SRBD1: variants seen among roughly 807,000 people sequenced by gnomAD.
SRBD1 encodes S1 RNA binding domain 1.
In SRBD1, 88 loss-of-function variants were observed where a neutral mutation model predicts 115.3. The ratio of observed to expected loss-of-function variants is 0.76; its 90% CI spans 0.64 to 0.91. The LOEUF (loss-of-function observed/expected upper bound fraction) is 0.91. SRBD1 is among the 40% of genes least tolerant of loss of function. The probability of loss-of-function intolerance (pLI) is 0.00; values close to 1 mark genes in which losing one functional copy is unlikely to be tolerated. For missense variants in SRBD1, 1,385 were observed against 1,177.4 expected (o/e 1.18, Z -2.58); for synonymous variants, 509 against 407.7 (o/e 1.25, Z -2.99).
intron 16 of SRBD1, among the ~76,000 whole-genome samples, chr2:45,427,793 T>C (rs1205257735): frequency 6.6e-6 from 1 of 152,148 alleles, no homozygotes; most frequent in African/African-American, 2.4e-5. Flanking sequence ...ATCTCTGGGA[T>C]GCAAGCCTGG....
At position 45,450,485 on chromosome 2, in the gene SRBD1, G is replaced by A. The variant is rs1249724947; in HGVS notation, c.2049+26508C>T. On this transcript the variant is annotated intron_variant, in intron 16 of 20. Coordinates refer to ENST00000263736, the MANE Select transcript of SRBD1 (RefSeq NM_018079.5). The stretch of plus-strand genomic sequence containing the variant: ...CCAAAAATTTTAGATCTTCTATACT[G>A]GAAGAGTTACAATATTTTTAAATTT... Among the ~76,000 whole-genome samples the A allele has an allele frequency of 2.0e-5, 3 of 152,144 alleles. No homozygotes were observed. In the East Asian group the frequency reaches 5.8e-4, roughly 29 times the overall value.
rs138515915 is a variant in SRBD1 at position 45,392,259 on chromosome 2, C to T, written c.2698+686G>A. ...GCAGCCTAAACCAGAATAAAAAGAG[C>T]CAAGCCCTAAACACGGAATCATCAA... On this transcript the variant is annotated intron_variant, in intron 20 of 20. Transcript: ENST00000263736. Among the ~76,000 whole-genome samples, 132 of 152,230 alleles carry T rather than the reference C, an allele frequency of 8.7e-4. 1 individual carries two copies. The highest frequency in any genetic ancestry group is 1.4e-3 in the Non-Finnish European group (96 of 68,000).
chr2:45,445,107 A>C (rs1558399633), intron 16 of SRBD1, among the ~76,000 whole-genome samples: 1 of 152,216 alleles, frequency 6.6e-6, no homozygotes, highest in African/African-American at 2.4e-5. Context: ...CAGGCATTTA[A>C]GAGTGACAAT....
At chr2:45,497,376 A>C (rs1246159335) in intron 14 of SRBD1, among the ~76,000 whole-genome samples, 1 of 152,224 alleles carries the variant, frequency 6.6e-6, no homozygotes, top group Non-Finnish European at 1.5e-5. Context: ...CAGTTACAGG[A>C]ACAGGGTAGA....
In SRBD1 at chr2:45,388,725, T is replaced by A. The variant is rs1427699954; in HGVS notation, c.*585A>T. ...TTGTTGGGGTCAATACGTATATCCT[T>A]TTGAGAAGTGTTTCGAGCCATTCAT... is the stretch of plus-strand genomic sequence containing the variant. On this transcript the variant is annotated 3_prime_UTR_variant, in exon 21 of 21. Transcript: ENST00000263736. 6.6e-6 allele frequency: 1 copy of A among 152,544 alleles called. No homozygotes were observed. The highest frequency in any genetic ancestry group is 2.4e-5 in the African/African-American group (1 of 41,464). The allele number at this position is 152,544 out of a possible 1,614,324, so 9.4% of individuals were successfully genotyped here.
intron 4 of SRBD1, 27 bp from the exon 5 acceptor site, chr2:45,585,801 T>G (rs989624627): frequency 3.9e-6 from 6 of 1,544,572 alleles, no homozygotes; most frequent in Admixed American, 4.2e-5. Context: ...CTTAGTGATT[T>G]AAAATGCTGA....
intron 1 of SRBD1, among the ~76,000 whole-genome samples, chr2:45,608,301 T>A: frequency 6.6e-6 from 1 of 152,070 alleles, no homozygotes; most frequent in Admixed American, 6.5e-5. Context: ...AATATCAATG[T>A]AAAAGGAAAG....
intron 19 of SRBD1, among the ~76,000 whole-genome samples, chr2:45,408,764 A>G (rs1041971769): frequency 6.6e-6 from 1 of 152,220 alleles, no homozygotes; most frequent in Non-Finnish European, 1.5e-5. Flanking sequence ...TATAACTAAA[A>G]TAAGTTACAG....
chr2:45,417,992 C>A (rs1667882058), intron 18 of SRBD1, among the ~76,000 whole-genome samples: 1 of 152,198 alleles, frequency 6.6e-6, no homozygotes, highest in South Asian at 2.1e-4. Flanking sequence ...GATGGCATTT[C>A]ATTCAAAACT....
chr2:45,502,172 C>A (rs1192187782), intron 14 of SRBD1, among the ~76,000 whole-genome samples: 1 of 152,218 alleles, frequency 6.6e-6, no homozygotes, highest in African/African-American at 2.4e-5. Flanking sequence ...GATACCCAGG[C>A]AAACAGGGTC....
chr2:45,523,273 T>TG (rs1331758454), intron 14 of SRBD1, among the ~76,000 whole-genome samples: 4 of 90,440 alleles, frequency 4.4e-5, no homozygotes, highest in African/African-American at 1.4e-4. Flanking sequence ...CCCAAAACGC[T>TG]GGAAAAAAAA....
intron 14 of SRBD1, among the ~76,000 whole-genome samples, chr2:45,517,244 T>C (rs1671147434): frequency 6.6e-6 from 1 of 152,252 alleles, no homozygotes; most frequent in South Asian, 2.1e-4. Context: ...GTGTTTTATC[T>C]TTTAAATGGT....
intron 16 of SRBD1, among the ~76,000 whole-genome samples, chr2:45,429,995 T>C (rs1668282448): frequency 6.6e-6 from 1 of 151,824 alleles, no homozygotes; most frequent in South Asian, 2.1e-4. Context: ...TATACACCAA[T>C]AATAGACAGA....
intron 14 of SRBD1, among the ~76,000 whole-genome samples, chr2:45,496,030 G>A (rs745885404): frequency 6.6e-6 from 1 of 152,242 alleles, no homozygotes; most frequent in East Asian, 1.9e-4. Flanking sequence ...TATAATACCA[G>A]ATTATCTGTA....
intron 16 of SRBD1, among the ~76,000 whole-genome samples, chr2:45,420,766 G>C (rs1667971770): frequency 6.6e-6 from 1 of 152,180 alleles, no homozygotes; most frequent in Admixed American, 6.5e-5. Context: ...TTTCTTAAAA[G>C]AGTAATCCTC....
At chr2:45,443,464 G>C (rs1335598226) in intron 16 of SRBD1, among the ~76,000 whole-genome samples, 1 of 152,064 alleles carries the variant, frequency 6.6e-6, no homozygotes, top group Non-Finnish European at 1.5e-5. Flanking sequence ...TGGTGGGGGG[G>C]ATTAGTGGAG....
rs373388971 is a variant in SRBD1 at position 45,519,712 on chromosome 2, T to C, written c.1874+27020A>G. ...TTTAAAAATTTTTGTTTATTTTTCC[T>C]GGAATTTTAGTTTCAAGAAATCTTT... On this transcript the variant is annotated intron_variant, in intron 14 of 20. Coordinates refer to ENST00000263736, the MANE Select transcript of SRBD1 (RefSeq NM_018079.5). Among the ~76,000 whole-genome samples the C allele has an allele frequency of 7.2e-4, 109 of 152,312 alleles. 2 individuals carry two copies. Among genetic ancestry groups the C allele is most frequent in the African/African-American group, 2.6e-3 (106 of 41,560 alleles).
At chr2:45,553,361 G>A (rs1672363980) in intron 11 of SRBD1, among the ~76,000 whole-genome samples, 1 of 152,154 alleles carries the variant, frequency 6.6e-6, no homozygotes, top group Admixed American at 6.5e-5. Context: ...CCAGCTGCAA[G>A]ACTAGTATTG....
chr2:45,503,886 T>C (rs1021016620), intron 14 of SRBD1, among the ~76,000 whole-genome samples: 2 of 152,136 alleles, frequency 1.3e-5, no homozygotes, highest in African/African-American at 4.8e-5. Flanking sequence ...TGTAATTCTA[T>C]GGAAAAACTG....
Sources: gnomAD v4.1 joint callset for allele counts (sites outside exome capture counted in the v4.1 genomes callset) on GRCh38, gnomAD v4.1.1 for gene constraint, MANE v1.5 for transcripts, NCBI Gene and HGNC (gene_info 2026-07-23, HGNC 2026-07-21) for gene names.